CTNNA3: variants seen among roughly 807,000 people sequenced by gnomAD.
CTNNA3 encodes catenin alpha-3.
CTNNA3 carries 76 observed loss-of-function variants against 95.7 expected under a neutral mutation model. The ratio of observed to expected loss-of-function variants is 0.79; its 90% confidence interval spans 0.66 to 0.96. The LOEUF is 0.96. Ranked by LOEUF, CTNNA3 falls within the 40% of genes least tolerant of loss-of-function variation. The pLI, the probability that CTNNA3 is intolerant of heterozygous loss-of-function variation, is 0.00. For missense variants in CTNNA3, 1,191 were observed against 1,089.8 expected, an observed-to-expected ratio of 1.09 and a Z score of -1.31; for synonymous variants, 431 against 374.4, an observed-to-expected ratio of 1.15 and a Z score of -1.74.
intron 12 of CTNNA3, among the ~76,000 whole-genome samples, chr10:66,340,107 C>T (rs948254021): frequency 2.0e-5 from 3 of 151,758 alleles, no homozygotes; most frequent in Non-Finnish European, 4.4e-5. Flanking sequence ...TCTTGGTTGA[C>T]ACTTAGAGCT....
At chr10:66,873,483 T>C (rs973852212) in intron 7 of CTNNA3, among the ~76,000 whole-genome samples, 7 of 152,302 alleles carry the variant, frequency 4.6e-5, no homozygotes, top group Admixed American at 2.6e-4. Flanking sequence ...ATGAACTTTT[T>C]TTTTCATGTT....
chr10:67,737,870 A>G (rs1404904500), intron 1 of CTNNA3, among the ~76,000 whole-genome samples: 1 of 152,234 alleles, frequency 6.6e-6, no homozygotes, highest in Admixed American at 6.5e-5. Flanking sequence ...ATCTAGAACT[A>G]GAAATACCAT....
intron 1 of CTNNA3, among the ~76,000 whole-genome samples, chr10:67,729,001 A>T (rs569678007): frequency 1.3e-5 from 2 of 152,320 alleles, no homozygotes; most frequent in Non-Finnish European, 2.9e-5. Flanking sequence ...TCTCAGTTAC[A>T]AAGTAAATGA....
intron 15 of CTNNA3, among the ~76,000 whole-genome samples, chr10:66,035,634 G>A (rs912752466): frequency 6.6e-6 from 1 of 151,702 alleles, no homozygotes; most frequent in Admixed American, 6.6e-5. Context: ...TTGGGGATGA[G>A]TTTACCTTAC....
At chr10:66,037,269 G>T (rs2079584146) in intron 15 of CTNNA3, among the ~76,000 whole-genome samples, 1 of 151,948 alleles carries the variant, frequency 6.6e-6, no homozygotes, top group South Asian at 2.1e-4. Flanking sequence ...TGCCCTTCAG[G>T]GTCAGAATAG....
chr10:66,109,705 A>G (rs1051373843), intron 13 of CTNNA3, among the ~76,000 whole-genome samples: 1 of 152,210 alleles, frequency 6.6e-6, no homozygotes, highest in Non-Finnish European at 1.5e-5. Flanking sequence ...TATGTTTACA[A>G]GACAAAAGAG....
intron 13 of CTNNA3, among the ~76,000 whole-genome samples, chr10:66,115,289 G>A (rs544281526): frequency 6.6e-6 from 1 of 152,126 alleles, no homozygotes; most frequent in African/African-American, 2.4e-5. Context: ...ACATTAAAGG[G>A]GGTGGTGACA....
chr10:67,265,538 T>G (rs1265645449), intron 5 of CTNNA3, among the ~76,000 whole-genome samples: 1 of 151,980 alleles, frequency 6.6e-6, no homozygotes, highest in East Asian at 1.9e-4. Flanking sequence ...TTAAGGAGGT[T>G]TGGGGTTTAA....
intron 7 of CTNNA3, among the ~76,000 whole-genome samples, chr10:66,888,767 C>T (rs1312405367): frequency 6.6e-6 from 1 of 152,120 alleles, no homozygotes; most frequent in Non-Finnish European, 1.5e-5. Context: ...TTCATTGCTG[C>T]TGGGGATACA....
chr10:67,605,135 C>T (rs748390621), intron 3 of CTNNA3, among the ~76,000 whole-genome samples: 14 of 152,062 alleles, frequency 9.2e-5, no homozygotes, highest in Non-Finnish European at 1.6e-4. Flanking sequence ...ATGAAAACAA[C>T]CTAAGCATCC....
intron 13 of CTNNA3, among the ~76,000 whole-genome samples, chr10:66,201,142 A>C (rs369995832): frequency 1.3e-5 from 2 of 152,178 alleles, no homozygotes; most frequent in African/African-American, 4.8e-5. Context: ...CTTTATCCAC[A>C]TAAATATCTA....
intron 3 of CTNNA3, among the ~76,000 whole-genome samples, chr10:67,563,287 C>G (rs937742670): frequency 5.3e-5 from 8 of 152,178 alleles, no homozygotes; most frequent in African/African-American, 1.9e-4. Flanking sequence ...GGTACCAAAA[C>G]AGAGATATCA....
chr10:67,520,093 T>C (rs1203162274), intron 5 of CTNNA3, among the ~76,000 whole-genome samples: 2 of 152,192 alleles, frequency 1.3e-5, no homozygotes, highest in Admixed American at 1.3e-4. Context: ...ATCTGTAAAA[T>C]GGTGCTAACA....
intron 11 of CTNNA3, among the ~76,000 whole-genome samples, chr10:66,406,994 T>G (rs1051118147): frequency 6.6e-5 from 10 of 152,158 alleles, no homozygotes; most frequent in African/African-American, 2.4e-4. Context: ...TAGAACTAAT[T>G]AATTTACCCT....
chr10:67,036,559 G>C (rs1048652479), intron 7 of CTNNA3, among the ~76,000 whole-genome samples: 2 of 151,964 alleles, frequency 1.3e-5, no homozygotes. Context: ...TTTTGGTAGA[G>C]ACAAGGTCTC....
intron 5 of CTNNA3, among the ~76,000 whole-genome samples, chr10:67,486,281 C>G (rs78965178): frequency 0.038 from 5,832 of 152,260 alleles, 130 homozygotes; most frequent in South Asian, 0.1. Flanking sequence ...CACCTCATAT[C>G]TGATAAACAG....
intron 3 of CTNNA3, among the ~76,000 whole-genome samples, chr10:67,555,502 T>C (rs1437120234): frequency 2.0e-5 from 3 of 152,232 alleles, no homozygotes; most frequent in African/African-American, 7.2e-5. Context: ...AGGTATTTTA[T>C]TCTCTTTGAA....
chr10:66,347,304 T>G (rs2092529963), intron 12 of CTNNA3, among the ~76,000 whole-genome samples: 1 of 152,086 alleles, frequency 6.6e-6, no homozygotes, highest in Admixed American at 6.6e-5. Context: ...TAAAGGAAGT[T>G]TTATGTCTTA....
At chr10:66,592,442 A>T (rs1160706796) in intron 10 of CTNNA3, among the ~76,000 whole-genome samples, 2 of 152,128 alleles carry the variant, frequency 1.3e-5, no homozygotes, top group African/African-American at 4.8e-5. Context: ...ATGTTCCCCA[A>T]TTGTACTAAC....
Sources: gnomAD v4.1 joint callset for allele counts (sites outside exome capture counted in the v4.1 genomes callset) on GRCh38, gnomAD v4.1.1 for gene constraint, MANE v1.5 for transcripts, NCBI Gene and HGNC (gene_info 2026-07-23, HGNC 2026-07-21) for gene names.